Variants in AGBL4 observed in about 807,000 individuals in gnomAD.
AGBL4 encodes the protein AGBL carboxypeptidase 4.
Under a neutral mutation model 66.4 loss-of-function variants are expected in AGBL4, and 58 were observed. The ratio of observed to expected loss-of-function variants is 0.87; its 90% CI spans 0.71 to 1.09. The LOEUF (loss-of-function observed/expected upper bound fraction) is 1.09, where lower values mean the gene tolerates loss of function less well. Ranked by LOEUF, AGBL4 falls within the 50% of genes least tolerant of loss-of-function variation. The pLI, the probability that AGBL4 is intolerant of heterozygous loss-of-function variation, is 0.00. For synonymous variants in AGBL4, 234 were observed against 222.9 expected (o/e 1.05, Z -0.44); for missense variants, 579 against 631.0 (o/e 0.92, Z 0.88).
chr1:49,625,235 GC>G (rs1645442892), intron 3 of AGBL4, among the ~76,000 whole-genome samples: 1 of 151,996 alleles, frequency 6.6e-6, no homozygotes, highest in Non-Finnish European at 1.5e-5. Flanking sequence ...GTATATCTTA[GC>G]TTAAATTAAT....
intron 1 of AGBL4, among the ~76,000 whole-genome samples, chr1:50,018,744 G>A (rs2148449019): frequency 6.6e-6 from 1 of 152,112 alleles, no homozygotes; most frequent in Non-Finnish European, 1.5e-5. Context: ...CATGATCAAA[G>A]AGCCTTAGAA....
At chr1:49,690,163 G>T (rs1009383291) in intron 3 of AGBL4, among the ~76,000 whole-genome samples, 1 of 152,014 alleles carries the variant, frequency 6.6e-6, no homozygotes, top group Non-Finnish European at 1.5e-5. Flanking sequence ...CTCAATTAAG[G>T]TATACACATT....
Position 48,892,900 on chromosome 1 carries a change from A to C in AGBL4, c.595-25670T>G, listed in dbSNP as rs564641886. On this transcript the variant is annotated intron_variant, in intron 5 of 13. Coordinates refer to ENST00000371839, the MANE Select transcript of AGBL4 (RefSeq NM_032785.4). Reference sequence around the variant, plus strand: ...GAGTTTCTGGTTAGACCATCTTTCTAAATAAGGTCGCATACACAGGTACCA... The same window carrying C: ...GAGTTTCTGGTTAGACCATCTTTCTCAATAAGGTCGCATACACAGGTACCA... 4.6e-5 allele frequency among the ~76,000 whole-genome samples: 7 copies of C among 152,264 alleles called. No homozygotes were observed. In the South Asian group the frequency reaches 8.3e-4, roughly 18 times the overall value.
At chr1:49,003,131 TGCACGCCTGTAATTCCA>T (rs1291933856) in intron 5 of AGBL4, among the ~76,000 whole-genome samples, 6 of 152,192 alleles carry the variant, frequency 3.9e-5, no homozygotes, top group African/African-American at 1.4e-4. Flanking sequence ...GGCACGTTGG[TGCACGCCTGTAATTCCA>T]GCACTCTGGG....
intron 2 of AGBL4, among the ~76,000 whole-genome samples, chr1:49,762,263 T>C (rs550710895): frequency 2.0e-5 from 3 of 152,220 alleles, no homozygotes; most frequent in Non-Finnish European, 4.4e-5. Flanking sequence ...GATGACAGTC[T>C]TTCTAACTGG....
At chr1:49,263,034 T>C (rs1653366503) in intron 3 of AGBL4, among the ~76,000 whole-genome samples, 1 of 152,090 alleles carries the variant, frequency 6.6e-6, no homozygotes, top group Admixed American at 6.6e-5. Context: ...AAATCATCAT[T>C]CTCAGTAAAC....
rs187853037 is a variant in AGBL4 at position 49,551,304 on chromosome 1, G to A, written c.282+146009C>T. On this transcript the variant is annotated intron_variant, in intron 3 of 13. Transcript: ENST00000371839. ...CAAATTCTTTTTCAGTTAAATCAGG[G>A]ATTTCTTCTTGTTTTGGATCCACTG... 2.4e-4 allele frequency among the ~76,000 whole-genome samples: 37 copies of A among 152,214 alleles called. No homozygotes were observed. In the East Asian group the frequency reaches 4.6e-3, roughly 19 times the overall value.
At chr1:48,842,831 T>C (rs1646834611) in intron 6 of AGBL4, among the ~76,000 whole-genome samples, 1 of 152,172 alleles carries the variant, frequency 6.6e-6, no homozygotes, top group South Asian at 2.1e-4. Flanking sequence ...GAAATATTAT[T>C]CAGCTTTAAA....
At chr1:49,375,568 A>G (rs1644456171) in intron 3 of AGBL4, among the ~76,000 whole-genome samples, 1 of 152,112 alleles carries the variant, frequency 6.6e-6, no homozygotes. Flanking sequence ...ATGTAAATGC[A>G]TTTCCTTTTT....
chr1:48,808,552 G>C (rs1645979980), intron 6 of AGBL4, among the ~76,000 whole-genome samples: 1 of 151,934 alleles, frequency 6.6e-6, no homozygotes, highest in Non-Finnish European at 1.5e-5. Context: ...AGCTGCATAT[G>C]AGCCAGCAGA....
chr1:48,571,642 C>A (rs1459622258), intron 11 of AGBL4, among the ~76,000 whole-genome samples: 2 of 152,198 alleles, frequency 1.3e-5, no homozygotes, highest in Admixed American at 6.5e-5. Flanking sequence ...GAGCTCAGGG[C>A]TAGGAAATGC....
chr1:48,810,742 G>A (rs1209398348), intron 6 of AGBL4, among the ~76,000 whole-genome samples: 1 of 152,142 alleles, frequency 6.6e-6, no homozygotes, highest in Non-Finnish European at 1.5e-5. Flanking sequence ...CTGTATTAAT[G>A]GCCTAGCCCA....
intron 5 of AGBL4, among the ~76,000 whole-genome samples, chr1:48,986,842 T>A (rs1343996706): frequency 6.6e-6 from 1 of 152,048 alleles, no homozygotes; most frequent in Non-Finnish European, 1.5e-5. Flanking sequence ...TAGTTTGGGG[T>A]TTATAATGGA....
intron 5 of AGBL4, among the ~76,000 whole-genome samples, chr1:48,978,502 C>A (rs1429695641): frequency 6.6e-6 from 1 of 152,172 alleles, no homozygotes; most frequent in Non-Finnish European, 1.5e-5. Flanking sequence ...GTACCAGCCA[C>A]AGACAGGCAA....
intron 3 of AGBL4, among the ~76,000 whole-genome samples, chr1:49,608,163 G>A (rs1465051142): frequency 6.6e-6 from 1 of 152,118 alleles, no homozygotes; most frequent in Non-Finnish European, 1.5e-5. Flanking sequence ...ACTAGGTAGA[G>A]AAAGAAAGGA....
intron 3 of AGBL4, among the ~76,000 whole-genome samples, chr1:49,391,352 G>A (rs1256814607): frequency 1.3e-5 from 2 of 152,164 alleles, no homozygotes; most frequent in Non-Finnish European, 2.9e-5. Flanking sequence ...TTACTATTGT[G>A]TGGAGTATGG....
rs920439763 is a variant in AGBL4 at position 49,896,271 on chromosome 1, A to G, written c.35-44753T>C. ...TAGAGCTAAAGAGATATAGACCCCA[A>G]TAAAATAATAGCTGGAGACATAAAC... is the stretch of plus-strand genomic sequence containing the variant. On this transcript the variant is annotated intron_variant, in intron 1 of 13. Coordinates refer to ENST00000371839, the MANE Select transcript of AGBL4 (RefSeq NM_032785.4). Among the ~76,000 whole-genome samples, 9 of 152,250 alleles carry G rather than the reference A, an allele frequency of 5.9e-5. No individual in the cohort carries two copies. The East Asian group carries it at 1.5e-3, about 26-fold the overall frequency.
At chr1:49,879,878 C>A (rs1303508251) in intron 1 of AGBL4, among the ~76,000 whole-genome samples, 1 of 117,716 alleles carries the variant, frequency 8.5e-6, no homozygotes, top group African/African-American at 3.4e-5. Flanking sequence ...TCTTTTTTCT[C>A]TAAACTTCCC....
At chr1:48,671,511 T>C (rs1646275997) in intron 6 of AGBL4, among the ~76,000 whole-genome samples, 1 of 152,218 alleles carries the variant, frequency 6.6e-6, no homozygotes, top group African/African-American at 2.4e-5. Flanking sequence ...CACAGGTACG[T>C]ATGTGACTTT....
Sources: allele counts gnomAD v4.1 joint callset (sites outside exome capture counted in the v4.1 genomes callset), GRCh38; gene constraint gnomAD v4.1.1; transcripts MANE v1.5; gene names NCBI Gene and HGNC (gene_info 2026-07-23, HGNC 2026-07-21).